Variants in PCDH15 observed in about 807,000 individuals in gnomAD.
The protein encoded by PCDH15 is protocadherin-15.
A neutral mutation model predicts 178.5 loss-of-function variants in PCDH15; 129 were observed. The ratio of observed to expected loss-of-function variants is 0.72; its 90% CI spans 0.63 to 0.84. The LOEUF (loss-of-function observed/expected upper bound fraction) is 0.84. Ranked by LOEUF, PCDH15 falls within the 40% of genes least tolerant of loss-of-function variation. The pLI is 0.00. For missense variants in PCDH15, 2,230 were observed against 2,099.9 expected, an observed-to-expected ratio of 1.06 and a Z score of -1.21; for synonymous variants, 800 against 732.0, an observed-to-expected ratio of 1.09 and a Z score of -1.50.
chr10:54,930,919 T>C (rs1733793), intron 2 of PCDH15, among the ~76,000 whole-genome samples: 20,475 of 152,136 alleles, frequency 0.13, 1,564 homozygotes, highest in East Asian at 0.23. Context: ...ATTTGGGCAA[T>C]TTTTGTCTCT....
At position 54,071,987 on chromosome 10, in the gene PCDH15, T is replaced by C. The variant is rs532791898; in HGVS notation, c.2092-5102A>G. On this transcript the variant is annotated intron_variant, in intron 17 of 37. Coordinates refer to ENST00000644397, the MANE Select transcript of PCDH15 (RefSeq NM_001384140.1). ...TTTTTAGATACTTTAAATATCTATT[T>C]TTATTATAATTTGTACTACATGCTG... Among the ~76,000 whole-genome samples the C allele has an allele frequency of 1.4e-3, 207 of 152,212 alleles. 1 individual carries two copies. The highest frequency in any genetic ancestry group is 4.4e-3 in the African/African-American group (182 of 41,584).
intron 1 of PCDH15, among the ~76,000 whole-genome samples, chr10:55,218,574 T>C (rs1425273610): frequency 6.6e-6 from 1 of 152,070 alleles, no homozygotes; most frequent in Non-Finnish European, 1.5e-5. Flanking sequence ...TGTGGAGCAC[T>C]TGATCTACAG....
chr10:54,127,788 T>C (rs1369850357), intron 15 of PCDH15, among the ~76,000 whole-genome samples: 1 of 152,194 alleles, frequency 6.6e-6, no homozygotes, highest in South Asian at 2.1e-4. Context: ...CCCAAGATCT[T>C]TTCAGGCTTT....
intron 2 of PCDH15, among the ~76,000 whole-genome samples, chr10:55,578,385 T>C (rs997699165): frequency 9.2e-5 from 14 of 151,896 alleles, no homozygotes; most frequent in Non-Finnish European, 1.0e-4. Flanking sequence ...GCCTGGCTAA[T>C]TGTTTTTGTA....
intron 11 of PCDH15, among the ~76,000 whole-genome samples, chr10:54,190,432 C>T (rs2133866356): frequency 6.6e-6 from 1 of 152,254 alleles, no homozygotes; most frequent in African/African-American, 2.4e-5. Context: ...GAATTAGGGT[C>T]CCAATTTGTC....
At chr10:55,255,089 C>T (rs189800361) in intron 1 of PCDH15, among the ~76,000 whole-genome samples, 17 of 152,224 alleles carry the variant, frequency 1.1e-4, no homozygotes, top group African/African-American at 3.6e-4. Flanking sequence ...TCTCCTAATG[C>T]TATCCCTCCC....
chr10:54,461,395 G>C (rs2060624795), intron 3 of PCDH15, among the ~76,000 whole-genome samples: 1 of 151,978 alleles, frequency 6.6e-6, no homozygotes, highest in Non-Finnish European at 1.5e-5. Context: ...TAGTGGTTGT[G>C]GTTCTCGGTT....
At chr10:54,395,284 A>T (rs1328455998) in intron 3 of PCDH15, among the ~76,000 whole-genome samples, 2 of 152,078 alleles carry the variant, frequency 1.3e-5, no homozygotes, top group African/African-American at 4.8e-5. Context: ...TGTCCATGAA[A>T]TCTTCACAAT....
chr10:53,972,768 G>A lies in PCDH15; in HGVS notation c.2869-10876C>T, dbSNP rs540819923. 2.2e-3 allele frequency among the ~76,000 whole-genome samples: 340 copies of A among 152,204 alleles called. 2 individuals are homozygous for A. Among genetic ancestry groups the A allele is most frequent in the African/African-American group, 7.6e-3 (316 of 41,542 alleles). Reference sequence around the variant, plus strand: ...ACCATCTCACACCAGTTAGAATGGTGATCATTAAAAAGTCAGGAAACAACA... The same window carrying A: ...ACCATCTCACACCAGTTAGAATGGTAATCATTAAAAAGTCAGGAAACAACA... On this transcript the variant is annotated intron_variant, in intron 21 of 37. Coordinates refer to ENST00000644397, the MANE Select transcript of PCDH15 (RefSeq NM_001384140.1).
At chr10:54,913,911 C>T (rs1954860102) in intron 2 of PCDH15, among the ~76,000 whole-genome samples, 1 of 152,122 alleles carries the variant, frequency 6.6e-6, no homozygotes, top group African/African-American at 2.4e-5. Flanking sequence ...GAACATTTAC[C>T]CAGTGCCTGT....
At chr10:55,299,565 C>G (rs1432959003) in intron 1 of PCDH15, among the ~76,000 whole-genome samples, 1 of 152,138 alleles carries the variant, frequency 6.6e-6, no homozygotes, top group Non-Finnish European at 1.5e-5. Context: ...ATTCGCCAAG[C>G]TTTGGCAAAA....
At chr10:55,165,898 T>A (rs747095734) in intron 2 of PCDH15, among the ~76,000 whole-genome samples, 7 of 152,132 alleles carry the variant, frequency 4.6e-5, no homozygotes, top group Non-Finnish European at 7.4e-5. Context: ...TGTACCTTTT[T>A]CCATAAATTT....
At chr10:54,129,584 C>T (rs7900875) in intron 15 of PCDH15, among the ~76,000 whole-genome samples, 45,363 of 151,922 alleles carry the variant, frequency 0.3, 7,419 homozygotes, top group African/African-American at 0.42. Context: ...TATGAGCTAA[C>T]TATCCTTAAT....
chr10:55,421,139 G>C (rs917943065), intron 2 of PCDH15, among the ~76,000 whole-genome samples: 17 of 151,422 alleles, frequency 1.1e-4, no homozygotes, highest in Non-Finnish European at 2.1e-4. Context: ...TATATAAGAT[G>C]CTGCCAAAAA....
At chr10:54,131,876 G>A (rs2042466012) in intron 15 of PCDH15, among the ~76,000 whole-genome samples, 1 of 152,162 alleles carries the variant, frequency 6.6e-6, no homozygotes, top group South Asian at 2.1e-4. Context: ...AACATTCTAT[G>A]AAATCTTCAC....
chr10:54,058,412 A>G (rs1489476610), intron 18 of PCDH15, among the ~76,000 whole-genome samples: 2 of 152,168 alleles, frequency 1.3e-5, no homozygotes, highest in African/African-American at 4.8e-5. Flanking sequence ...ACATGGTGGT[A>G]GGAAAGACAG....
chr10:55,121,451 T>C (rs970419527), intron 2 of PCDH15, among the ~76,000 whole-genome samples: 2 of 152,092 alleles, frequency 1.3e-5, no homozygotes, highest in African/African-American at 4.8e-5. Context: ...TTGAAGTTGA[T>C]GCCAGAATGA....
At chr10:54,912,394 G>T (rs540804165) in intron 2 of PCDH15, among the ~76,000 whole-genome samples, 1 of 152,070 alleles carries the variant, frequency 6.6e-6, no homozygotes, top group East Asian at 1.9e-4. Context: ...TCATGACAGT[G>T]AATGAGTTCT....
chr10:54,150,463 G>C (rs1278666562), intron 14 of PCDH15, among the ~76,000 whole-genome samples: 1 of 151,708 alleles, frequency 6.6e-6, no homozygotes, highest in Non-Finnish European at 1.5e-5. Flanking sequence ...TTAGTAAACT[G>C]TATCTTTTAG....
Sources: allele counts gnomAD v4.1 joint callset (sites outside exome capture counted in the v4.1 genomes callset), GRCh38; gene constraint gnomAD v4.1.1; transcripts MANE v1.5; gene names NCBI Gene and HGNC (gene_info 2026-07-23, HGNC 2026-07-21).